The following DGKB variants were observed in gnomAD, a reference collection of about 807,000 sequenced individuals.
DGKB encodes the protein 90 kDa diacylglycerol kinase.
Under a neutral mutation model 114.3 loss-of-function variants are expected in DGKB, and 67 were observed. That is an observed-to-expected ratio of 0.59 (90% CI 0.48 to 0.72). The LOEUF (loss-of-function observed/expected upper bound fraction) is 0.72. Ranked by LOEUF, DGKB falls within the 30% of genes least tolerant of loss-of-function variation. The pLI is 0.00. For missense variants in DGKB, 907 were observed against 975.2 expected, an observed-to-expected ratio of 0.93 and a Z score of 0.93; for synonymous variants, 398 against 323.1, an observed-to-expected ratio of 1.23 and a Z score of -2.49.
At chr7:14,296,354 A>G (rs1040007183) in intron 23 of DGKB, among the ~76,000 whole-genome samples, 8 of 152,224 alleles carry the variant, frequency 5.3e-5, no homozygotes, top group Non-Finnish European at 1.0e-4. Flanking sequence ...TTATGGCTGC[A>G]TAGTATTCCA....
chr7:14,147,313 T>C lies in DGKB; in HGVS notation c.*1818A>G, dbSNP rs1781580864. On this transcript the variant is annotated 3_prime_UTR_variant, in exon 26 of 26. Transcript: ENST00000402815. Reference sequence around the variant, plus strand: ...TTTCCTGGGAATGCTAAATTATGTCTTAATTTTATTCAAAAGCTTTTATTT... The same window carrying C: ...TTTCCTGGGAATGCTAAATTATGTCCTAATTTTATTCAAAAGCTTTTATTT... 2 of 152,300 alleles carry C rather than the reference T, an allele frequency of 1.3e-5. No individual in the cohort carries two copies. Among genetic ancestry groups the C allele is most frequent in the South Asian group, 2.1e-4 (1 of 4,832 alleles). 9.4% of individuals were successfully genotyped at this position (152,300 alleles called of 1,614,324 possible).
intron 1 of DGKB, among the ~76,000 whole-genome samples, chr7:14,888,493 G>A (rs1250070792): frequency 6.6e-6 from 1 of 151,702 alleles, no homozygotes; most frequent in Non-Finnish European, 1.5e-5. Flanking sequence ...ATTGATCATT[G>A]CTTAGAATAC....
At chr7:14,566,585 A>C (rs1563530517) in intron 20 of DGKB, among the ~76,000 whole-genome samples, 1 of 152,166 alleles carries the variant, frequency 6.6e-6, no homozygotes, top group Non-Finnish European at 1.5e-5. Context: ...CTCATTCCCT[A>C]ATGATAATTA....
At chr7:14,417,194 C>T (rs1196059016) in intron 21 of DGKB, among the ~76,000 whole-genome samples, 1 of 152,032 alleles carries the variant, frequency 6.6e-6, no homozygotes, top group Non-Finnish European at 1.5e-5. Context: ...TACATTTCCT[C>T]TAAAGTTTTA....
At chr7:14,781,686 C>T (rs1250520464) in intron 2 of DGKB, among the ~76,000 whole-genome samples, 1 of 152,152 alleles carries the variant, frequency 6.6e-6, no homozygotes, top group Admixed American at 6.5e-5. Context: ...TTCAAACAAA[C>T]TATTCTACTT....
chr7:14,701,878 C>T, intron 6 of DGKB, 148 bp from the exon 7 acceptor site: 1 of 598,236 alleles, frequency 1.7e-6, no homozygotes, highest in Non-Finnish European at 3.0e-6. Flanking sequence ...GATTATTTCT[C>T]AAACTAAATT....
intron 2 of DGKB, among the ~76,000 whole-genome samples, chr7:14,839,550 T>C (rs1449937625): frequency 2.0e-5 from 3 of 151,818 alleles, no homozygotes; most frequent in African/African-American, 2.4e-5. Flanking sequence ...TACATGTGCA[T>C]GCCAGCCTGC....
chr7:14,858,405 T>C (rs1472915847), intron 1 of DGKB, among the ~76,000 whole-genome samples: 1 of 152,170 alleles, frequency 6.6e-6, no homozygotes, highest in African/African-American at 2.4e-5. Flanking sequence ...AGGATATGAA[T>C]GTATTTCTTC....
At chr7:14,763,944 C>A (rs1286641405) in intron 2 of DGKB, among the ~76,000 whole-genome samples, 1 of 151,910 alleles carries the variant, frequency 6.6e-6, no homozygotes, top group Non-Finnish European at 1.5e-5. Flanking sequence ...ATAGTTTTTA[C>A]AAAGTGAGAG....
intron 13 of DGKB, among the ~76,000 whole-genome samples, chr7:14,659,438 G>A (rs1463975181): frequency 4.0e-5 from 6 of 151,452 alleles, no homozygotes; most frequent in Non-Finnish European, 8.8e-5. Flanking sequence ...TCCTTGAAGA[G>A]GTCCTTCACA....
chr7:14,446,355 G>A (rs1270499676), intron 21 of DGKB, among the ~76,000 whole-genome samples: 1 of 152,088 alleles, frequency 6.6e-6, no homozygotes, highest in Non-Finnish European at 1.5e-5. Context: ...GAGAATTTAG[G>A]TAAATTGATT....
chr7:14,890,873 A>G (rs200430191), intron 1 of DGKB, among the ~76,000 whole-genome samples: 2 of 29,576 alleles, frequency 6.8e-5, no homozygotes, highest in Non-Finnish European at 1.3e-4. Context: ...GCCACAAATG[A>G]AAAAAAAAAA....
At chr7:14,504,623 G>C (rs1326817369) in intron 20 of DGKB, among the ~76,000 whole-genome samples, 1 of 152,098 alleles carries the variant, frequency 6.6e-6, no homozygotes, top group African/African-American at 2.4e-5. Context: ...CAAAGTGAAT[G>C]AATGTTCTGA....
At chr7:14,937,568 A>G (rs539690361) in intron 1 of DGKB, among the ~76,000 whole-genome samples, 1 of 152,292 alleles carries the variant, frequency 6.6e-6, no homozygotes, top group South Asian at 2.1e-4. Context: ...TATTAAAGGA[A>G]GTAATCTTAG....
In DGKB at chr7:14,794,308, G is replaced by A. The variant is rs542318043; in HGVS notation, c.71-36577C>T. On this transcript the variant is annotated intron_variant, in intron 2 of 25. Coordinates refer to ENST00000402815, the MANE Select transcript of DGKB (RefSeq NM_001350709.2). Reference sequence around the variant, plus strand: ...AAGACACTAATAACTCTATTCTCAGGAGTAAAGGGAGCACTGATAGACTAG... The same window carrying A: ...AAGACACTAATAACTCTATTCTCAGAAGTAAAGGGAGCACTGATAGACTAG... Among the ~76,000 whole-genome samples the A allele has an allele frequency of 7.9e-5, 12 of 152,174 alleles. No homozygotes were observed. In the East Asian group the frequency reaches 2.1e-3, roughly 27 times the overall value.
chr7:14,465,457 G>A (rs937599505), intron 21 of DGKB, among the ~76,000 whole-genome samples: 3 of 152,150 alleles, frequency 2.0e-5, no homozygotes, highest in Non-Finnish European at 4.4e-5. Context: ...ATGAATCCAA[G>A]GAAATGCCAG....
At chr7:14,183,176 A>C (rs1424525076) in intron 23 of DGKB, among the ~76,000 whole-genome samples, 4 of 152,226 alleles carry the variant, frequency 2.6e-5, no homozygotes, top group Admixed American at 2.6e-4. Flanking sequence ...AACATTATGA[A>C]ACATGTCTGA....
intron 25 of DGKB, among the ~76,000 whole-genome samples, chr7:14,157,060 T>G (rs1783127421): frequency 6.6e-6 from 1 of 152,152 alleles, no homozygotes; most frequent in African/African-American, 2.4e-5. Flanking sequence ...TCTCCCTGCT[T>G]CATCTCTTTA....
intron 15 of DGKB, 103 bp from the exon 16 acceptor site, chr7:14,613,516 TAA>T: frequency 3.0e-6 from 2 of 669,900 alleles, no homozygotes; most frequent in South Asian, 3.8e-5. Flanking sequence ...GCAATTTCAA[TAA>T]TATTACTTTC....
Sources: gnomAD v4.1 joint callset for allele counts (sites outside exome capture counted in the v4.1 genomes callset) on GRCh38, gnomAD v4.1.1 for gene constraint, MANE v1.5 for transcripts, NCBI Gene and HGNC (gene_info 2026-07-23, HGNC 2026-07-21) for gene names.